The following PPME1 variants were observed in gnomAD, a reference collection of about 807,000 sequenced individuals.
PPME1 encodes protein phosphatase methylesterase 1, also known as testicular secretory protein Li 39.
In PPME1, 17 loss-of-function variants were observed where a neutral mutation model predicts 56.9. That is an observed-to-expected ratio of 0.30 (90% CI 0.20 to 0.45). PPME1 has a LOEUF of 0.45. PPME1 is among the 20% of genes least tolerant of loss of function. PPME1 has a pLI of 1.00. For missense variants in PPME1, 357 were observed against 483.2 expected (o/e 0.74, Z 2.45); for synonymous variants, 122 against 156.2 (o/e 0.78, Z 1.63).
chr11:74,232,724 G>A (rs1039706266), intron 7 of PPME1, among the ~76,000 whole-genome samples: 9 of 146,806 alleles, frequency 6.1e-5, no homozygotes, highest in Non-Finnish European at 1.0e-4. Context: ...TGCCCAGGCT[G>A]TGGAGTCCAG....
At chr11:74,222,222 A>G (rs1161599664) in intron 3 of PPME1, 90 bp from the exon 4 acceptor site, 17 of 944,780 alleles carry the variant, frequency 1.8e-5, no homozygotes, top group Non-Finnish European at 2.5e-5. Context: ...TTGAATTTTG[A>G]TGGCAGTTCA....
intron 11 of PPME1, chr11:74,249,090 A>G (rs1381746815): frequency 1.3e-5 from 2 of 152,234 alleles, no homozygotes; most frequent in Non-Finnish European, 1.5e-5. Context: ...ACGATTCCTT[A>G]TGAGATGTCC....
At chr11:74,236,120 A>G (rs1490929519) in intron 8 of PPME1, 154 bp downstream of exon 8, 7 of 1,271,308 alleles carry the variant, frequency 5.5e-6, no homozygotes, top group African/African-American at 1.5e-5. Flanking sequence ...TGGGACAGAC[A>G]TAGATTTTCT....
intron 8 of PPME1, among the ~76,000 whole-genome samples, chr11:74,236,884 ATATCAT>A (rs1280414548): frequency 1.3e-5 from 2 of 152,230 alleles, no homozygotes; most frequent in Admixed American, 1.3e-4. Context: ...CAATTCTTTA[ATATCAT>A]CAAATATCTA....
intron 1 of PPME1, among the ~76,000 whole-genome samples, chr11:74,194,945 A>G (rs980392814): frequency 2.6e-5 from 4 of 152,218 alleles, no homozygotes; most frequent in Admixed American, 2.0e-4. Flanking sequence ...TTAGCAGTTC[A>G]TTATATCAGA....
intron 11 of PPME1, chr11:74,250,075 AGAAGAATACACT>A (rs1281990396): frequency 6.6e-6 from 1 of 152,230 alleles, no homozygotes; most frequent in Admixed American, 6.5e-5. Flanking sequence ...AAAAATGGAT[AGAAGAATACACT>A]GAAAACTTTT....
rs368276612 is a variant in PPME1, at chr11:74,250,922, G to A, written c.1010-32G>A. 225 of 1,554,614 alleles carry A rather than the reference G, an allele frequency of 1.4e-4. 1 individual carries two copies. The Middle Eastern group carries it at 7.4e-3, about 51-fold the overall frequency. ...TGCATAAGAGAGGGCTCTTTTAGTC[G>A]CTGAAGTTGCCTTGCTTTGATTCCT... On this transcript the variant is annotated intron_variant, in intron 11 of 13. Transcript: ENST00000328257.
chr11:74,251,163 A>T (rs1426306369), intron 12 of PPME1, 145 bp downstream of exon 12: 23 of 1,472,750 alleles, frequency 1.6e-5, no homozygotes, highest in Admixed American at 9.3e-5. Flanking sequence ...CAGCTCTCCA[A>T]CTTCTCCCTG....
intron 1 of PPME1, among the ~76,000 whole-genome samples, chr11:74,178,094 C>T (rs1257946002): frequency 6.6e-6 from 1 of 152,212 alleles, no homozygotes; most frequent in African/African-American, 2.4e-5. Flanking sequence ...AGTTGCTAAA[C>T]AATTTCATTC....
chr11:74,213,391 C>G (rs921143097), intron 3 of PPME1, among the ~76,000 whole-genome samples: 8 of 152,216 alleles, frequency 5.3e-5, no homozygotes, highest in African/African-American at 1.9e-4. Flanking sequence ...CTGGACTCAC[C>G]TGGGACCAGG....
intron 3 of PPME1, among the ~76,000 whole-genome samples, chr11:74,209,500 G>C (rs1565384355): frequency 6.6e-6 from 1 of 152,172 alleles, no homozygotes; most frequent in Non-Finnish European, 1.5e-5. Flanking sequence ...AGCATGTTTT[G>C]CTTGACACAC....
intron 1 of PPME1, among the ~76,000 whole-genome samples, chr11:74,192,305 A>C (rs1023782806): frequency 4.6e-5 from 7 of 152,056 alleles, no homozygotes; most frequent in Non-Finnish European, 7.4e-5. Context: ...GGGAATGTTT[A>C]CCCAATGCAT....
intron 1 of PPME1, among the ~76,000 whole-genome samples, chr11:74,191,638 C>T (rs1278028040): frequency 6.6e-6 from 1 of 152,230 alleles, no homozygotes; most frequent in Non-Finnish European, 1.5e-5. Flanking sequence ...TGCTCAGCCT[C>T]AGGACTCTGC....
At chr11:74,207,376 A>G (rs1858354386) in intron 3 of PPME1, among the ~76,000 whole-genome samples, 1 of 152,234 alleles carries the variant, frequency 6.6e-6, no homozygotes, top group African/African-American at 2.4e-5. Flanking sequence ...TCTATTATGT[A>G]TGAAGAGAAA....
chr11:74,228,307 C>G (rs987339135), intron 5 of PPME1, among the ~76,000 whole-genome samples: 3 of 152,110 alleles, frequency 2.0e-5, no homozygotes, highest in Admixed American at 6.6e-5. Context: ...ATAATTTCCT[C>G]TGTGTTACTA....
chr11:74,215,228 C>G (rs1180454475), intron 3 of PPME1, among the ~76,000 whole-genome samples: 1 of 152,004 alleles, frequency 6.6e-6, no homozygotes, highest in Non-Finnish European at 1.5e-5. Flanking sequence ...GTAGACCCAG[C>G]TACTTGGGAG....
At chr11:74,180,653 T>C (rs1168462694) in intron 1 of PPME1, among the ~76,000 whole-genome samples, 2 of 152,250 alleles carry the variant, frequency 1.3e-5, no homozygotes, top group South Asian at 2.1e-4. Context: ...TCTCATGATA[T>C]GTACAGATTC....
intron 3 of PPME1, among the ~76,000 whole-genome samples, chr11:74,210,747 C>T (rs952345243): frequency 4.6e-5 from 7 of 152,076 alleles, no homozygotes; most frequent in African/African-American, 1.2e-4. Flanking sequence ...ATGCTGGTGC[C>T]GTACTTCTTA....
At chr11:74,204,504 A>G in intron 3 of PPME1, 59 bp downstream of exon 3, 2 of 1,412,398 alleles carry the variant, frequency 1.4e-6, no homozygotes, top group Middle Eastern at 1.8e-4. Flanking sequence ...ATGAAAGTAT[A>G]GGGACAAATC....
Sources: allele counts gnomAD v4.1 joint callset (sites outside exome capture counted in the v4.1 genomes callset), GRCh38; gene constraint gnomAD v4.1.1; transcripts MANE v1.5; gene names NCBI Gene and HGNC (gene_info 2026-07-23, HGNC 2026-07-21).